Variants in CLRN1 observed in about 807,000 individuals in gnomAD.
CLRN1 encodes clarin 1, also known as clarin-1.
Under a neutral mutation model 18.7 loss-of-function variants are expected in CLRN1, and 15 were observed. That is an observed-to-expected ratio of 0.80 (90% CI 0.54 to 1.23). CLRN1 has a LOEUF of 1.23. Ranked by LOEUF, CLRN1 falls within the 50% of genes most tolerant of loss-of-function variation. The pLI is 0.00. For synonymous variants in CLRN1, 104 were observed against 102.9 expected (o/e 1.01, Z -0.07); for missense variants, 311 against 277.5 (o/e 1.12, Z -0.86).
Position 150,927,079 on chromosome 3 carries a change from G to A in CLRN1, c.*857C>T. 1.2e-6 allele frequency: 1 copy of A among 851,976 alleles called. No homozygotes were observed. The highest frequency in any genetic ancestry group is 1.4e-5 in the South Asian group (1 of 69,734). The allele number at this position is 851,976 out of a possible 1,614,324, so 52.8% of individuals were successfully genotyped here. A position where few individuals can be genotyped will look rare whatever the true frequency, so the allele number is the denominator to read the frequency against. On this transcript the variant is annotated 3_prime_UTR_variant, in exon 3 of 3. Transcript: ENST00000327047. ...AGTCATTTTGCATCAAATGTACTAA[G>A]CAGAGATCATTTTTCATGATTCCTC... is the stretch of plus-strand genomic sequence containing the variant.
chr3:150,948,236 G>A (rs1419864273), intron 1 of CLRN1, among the ~76,000 whole-genome samples: 5 of 152,088 alleles, frequency 3.3e-5, no homozygotes, highest in Non-Finnish European at 5.9e-5. Context: ...TGTAATCCCA[G>A]CACTTTGGGA....
intron 1 of CLRN1, among the ~76,000 whole-genome samples, chr3:150,962,060 A>G (rs1382674108): frequency 2.0e-5 from 3 of 152,196 alleles, no homozygotes; most frequent in Non-Finnish European, 2.9e-5. Context: ...CCCATCAGTG[A>G]GTCTTAATCA....
chr3:150,957,737 C>T (rs1714822273), intron 1 of CLRN1, among the ~76,000 whole-genome samples: 1 of 152,172 alleles, frequency 6.6e-6, no homozygotes, highest in Non-Finnish European at 1.5e-5. Context: ...TGGCTCACTG[C>T]AACCTCTGCC....
intron 1 of CLRN1, among the ~76,000 whole-genome samples, chr3:150,943,618 A>G (rs1713985135): frequency 6.6e-6 from 1 of 152,196 alleles, no homozygotes; most frequent in Admixed American, 6.5e-5. Flanking sequence ...TGGGCACCAA[A>G]CAAGAATTCA....
intron 2 of CLRN1, among the ~76,000 whole-genome samples, chr3:150,936,630 A>G (rs1018124310): frequency 6.6e-6 from 1 of 152,204 alleles, no homozygotes; most frequent in Non-Finnish European, 1.5e-5. Context: ...TTCACCAGAC[A>G]TTTCTTAGAG....
intron 2 of CLRN1, among the ~76,000 whole-genome samples, chr3:150,935,483 T>G (rs1182590434): frequency 6.6e-6 from 1 of 151,920 alleles, no homozygotes; most frequent in Non-Finnish European, 1.5e-5. Context: ...CTCATCATTT[T>G]TTATGGCTGC....
At position 150,927,224 on chromosome 3, in the gene CLRN1, G is replaced by T. The variant is rs1435628096; in HGVS notation, c.*712C>A. On this transcript the variant is annotated 3_prime_UTR_variant, in exon 3 of 3. Coordinates refer to ENST00000327047, the MANE Select transcript of CLRN1 (RefSeq NM_174878.3). The stretch of plus-strand genomic sequence containing the variant: ...TTCTTTTCTTCTTTTAGAGTTTGCA[G>T]ATTTTGACCAACAGACATGGTTAAT... The T allele has an allele frequency of 2.0e-6, 1 of 497,940 alleles. No homozygotes were observed. Among genetic ancestry groups the T allele is most frequent in the Non-Finnish European group, 3.9e-6 (1 of 256,348 alleles). The allele number at this position is 497,940 out of a possible 1,614,324, so 30.8% of individuals were successfully genotyped here. A position where few individuals can be genotyped will look rare whatever the true frequency, so the allele number is the denominator to read the frequency against.
intron 1 of CLRN1, among the ~76,000 whole-genome samples, chr3:150,966,755 T>C (rs1715279259): frequency 6.6e-6 from 1 of 152,198 alleles, no homozygotes; most frequent in African/African-American, 2.4e-5. Context: ...TTCAGAAAAC[T>C]TTAAAAATCA....
intron 1 of CLRN1, among the ~76,000 whole-genome samples, chr3:150,967,697 A>T (rs1715330549): frequency 6.6e-6 from 1 of 152,172 alleles, no homozygotes; most frequent in South Asian, 2.1e-4. Flanking sequence ...GATAGGAGAG[A>T]CGCAAGGTGT....
chr3:150,957,383 T>C (rs1474589767), intron 1 of CLRN1, among the ~76,000 whole-genome samples: 1 of 152,112 alleles, frequency 6.6e-6, no homozygotes, highest in Non-Finnish European at 1.5e-5. Context: ...CAGTCCCTCC[T>C]TAGCTCCTTC....
At chr3:150,951,374 A>G (rs1714473938) in intron 1 of CLRN1, among the ~76,000 whole-genome samples, 1 of 151,976 alleles carries the variant, frequency 6.6e-6, no homozygotes, top group Middle Eastern at 3.2e-3. Flanking sequence ...GTCTCACTCC[A>G]TTGCCCAGGC....
At chr3:150,949,928 T>C (rs1714396697) in intron 1 of CLRN1, among the ~76,000 whole-genome samples, 1 of 152,174 alleles carries the variant, frequency 6.6e-6, no homozygotes. Flanking sequence ...AGGGCTACAG[T>C]AACCAAAACA....
chr3:150,943,764 G>T, intron 1 of CLRN1: 1 of 1,612,874 alleles, frequency 6.2e-7, no homozygotes, highest in Non-Finnish European at 8.5e-7. Context: ...AGATGGCAGA[G>T]CTACGAGAGC....
At chr3:150,964,080 A>T (rs561441766) in intron 1 of CLRN1, among the ~76,000 whole-genome samples, 4 of 152,318 alleles carry the variant, frequency 2.6e-5, no homozygotes, top group Non-Finnish European at 5.9e-5. Flanking sequence ...AATTAAACTA[A>T]AAAAACTTCT....
At chr3:150,951,169 G>A (rs547123165) in intron 1 of CLRN1, among the ~76,000 whole-genome samples, 84 of 152,104 alleles carry the variant, frequency 5.5e-4, no homozygotes, top group African/African-American at 1.9e-3. Context: ...GGAGGGGGAG[G>A]AGCAGGAAAG....
At chr3:150,965,729 T>C (rs1715231813) in intron 1 of CLRN1, among the ~76,000 whole-genome samples, 1 of 152,230 alleles carries the variant, frequency 6.6e-6, no homozygotes, top group African/African-American at 2.4e-5. Flanking sequence ...CTCCCAGGTA[T>C]GCTCGGGTCA....
At chr3:150,931,808 C>T (rs866861279) in intron 2 of CLRN1, among the ~76,000 whole-genome samples, 43 of 152,300 alleles carry the variant, frequency 2.8e-4, no homozygotes, top group Middle Eastern at 3.4e-3. Flanking sequence ...CAAATTCACA[C>T]GGTGCCAGTT....
At position 150,964,892 on chromosome 3, in the gene CLRN1, G is replaced by A. The variant is rs892251518; in HGVS notation, c.253+7564C>T. 3.9e-5 allele frequency among the ~76,000 whole-genome samples: 6 copies of A among 152,028 alleles called. No individual in the cohort carries two copies. In the South Asian group the frequency reaches 6.2e-4, roughly 16 times the overall value. ...AGGGAGGGGAATATCACACACCGGGGCTTGTCGGTGGGTGGGGGACTAGGG... is the reference window on the plus strand; with the variant it reads ...AGGGAGGGGAATATCACACACCGGGACTTGTCGGTGGGTGGGGGACTAGGG... On this transcript the variant is annotated intron_variant, in intron 1 of 2. Transcript: ENST00000327047.
At chr3:150,962,484 T>C (rs1715083468) in intron 1 of CLRN1, among the ~76,000 whole-genome samples, 1 of 152,232 alleles carries the variant, frequency 6.6e-6, no homozygotes, top group Non-Finnish European at 1.5e-5. Context: ...AAGATTTTAA[T>C]TGATGCTACA....
Sources: allele counts gnomAD v4.1 joint callset (sites outside exome capture counted in the v4.1 genomes callset), GRCh38; gene constraint gnomAD v4.1.1; transcripts MANE v1.5; gene names NCBI Gene and HGNC (gene_info 2026-07-23, HGNC 2026-07-21).